The following PCDHA7 variants were observed in gnomAD, a reference collection of about 807,000 sequenced individuals.
The protein encoded by PCDHA7 is protocadherin alpha 7, also known as protocadherin alpha-7.
A neutral mutation model predicts 57.2 loss-of-function variants in PCDHA7; 37 were observed. That is an observed-to-expected ratio of 0.65 (90% CI 0.50 to 0.85). PCDHA7 has a LOEUF of 0.85. PCDHA7 is among the 40% of genes least tolerant of loss of function. PCDHA7 has a pLI of 0.00. For missense variants in PCDHA7, 1,188 were observed against 1,241.8 expected (o/e 0.96, Z 0.65); for synonymous variants, 553 against 558.8 (o/e 0.99, Z 0.15).
intron 1 of PCDHA7, chr5:140,876,869 A>G: frequency 1.9e-6 from 3 of 1,614,030 alleles, no homozygotes; most frequent in Non-Finnish European, 2.5e-6. Flanking sequence ...TTCGTGAAGG[A>G]GAACAACCCG....
Position 140,834,349 on chromosome 5 carries a change from T to A in PCDHA7, c.-35T>A. On this transcript the variant is annotated 5_prime_UTR_variant, in exon 1 of 4. Coordinates refer to ENST00000525929, the MANE Select transcript of PCDHA7 (RefSeq NM_018910.3). ...ACATTCCTATAAATTCGAAGGCAAG[T>A]TTTGCTGACTAGAAAAACAAGCCAA... is the stretch of plus-strand genomic sequence containing the variant. 2 of 1,534,320 alleles carry A rather than the reference T, an allele frequency of 1.3e-6. No individual in the cohort carries two copies. Among genetic ancestry groups the A allele is most frequent in the Non-Finnish European group, 1.8e-6 (2 of 1,139,316 alleles).
intron 1 of PCDHA7, chr5:140,848,571 G>A: frequency 6.3e-7 from 1 of 1,595,628 alleles, no homozygotes; most frequent in South Asian, 1.1e-5. Context: ...AATGTGGGTG[G>A]TGGGGAGCGG....
At chr5:140,941,558 A>G (rs903071259) in intron 1 of PCDHA7, among the ~76,000 whole-genome samples, 1 of 151,596 alleles carries the variant, frequency 6.6e-6, no homozygotes, top group African/African-American at 2.4e-5. Context: ...CTCGTGATCC[A>G]TTCGCCTCAG....
Position 140,849,759 on chromosome 5 carries a change from G to A in PCDHA7, c.2355+13021G>A, listed in dbSNP as rs140660802. On this transcript the variant is annotated intron_variant, in intron 1 of 3. Coordinates refer to ENST00000525929, the MANE Select transcript of PCDHA7 (RefSeq NM_018910.3). Reference sequence around the variant, plus strand: ...GGACCGCGAGAGTGTGTCCGCCTACGAGCTGGTGGTTACCGCGCGGGACGG... The same window carrying A: ...GGACCGCGAGAGTGTGTCCGCCTACAAGCTGGTGGTTACCGCGCGGGACGG... The A allele has an allele frequency of 1.8e-5, 29 of 1,598,444 alleles. 5 individuals are homozygous for A. The Admixed American group carries it at 3.9e-4, about 21-fold the overall frequency.
At chr5:140,857,758 C>T (rs1562528719) in intron 1 of PCDHA7, 2 of 1,597,374 alleles carry the variant, frequency 1.3e-6, no homozygotes, top group Admixed American at 1.7e-5. Flanking sequence ...CTCCCGCTGG[C>T]AGCGCGGGCG....
At chr5:140,843,182 C>G (rs2150354761) in intron 1 of PCDHA7, 2 of 1,595,932 alleles carry the variant, frequency 1.3e-6, no homozygotes, top group African/African-American at 2.7e-5. Flanking sequence ...CCCTCGCATC[C>G]CGTTCCGCGT....
At chr5:140,905,910 A>G (rs2153491860) in intron 1 of PCDHA7, among the ~76,000 whole-genome samples, 1 of 152,334 alleles carries the variant, frequency 6.6e-6, no homozygotes, top group Admixed American at 6.5e-5. Context: ...GGAGCAAGGA[A>G]TCCAATCTGA....
chr5:140,941,578 G>A (rs1007298745), intron 1 of PCDHA7, among the ~76,000 whole-genome samples: 3 of 151,774 alleles, frequency 2.0e-5, no homozygotes, highest in Non-Finnish European at 4.4e-5. Context: ...GCCTCCCAAA[G>A]TGCTGGGATT....
In PCDHA7 at chr5:141,011,716, A is replaced by G. The variant is rs975588316; in HGVS notation, c.*1779A>G. 6.5e-6 allele frequency: 1 copy of G among 153,764 alleles called. No homozygotes were observed. Among genetic ancestry groups the G allele is most frequent in the African/African-American group, 2.4e-5 (1 of 41,450 alleles). 9.5% of individuals were successfully genotyped at this position (153,764 alleles called of 1,614,324 possible). On this transcript the variant is annotated 3_prime_UTR_variant, in exon 4 of 4. Transcript: ENST00000525929. Reference sequence around the variant, plus strand: ...TTGGAATGAATACTGACAATATTCCATGAGGGTGTGCAAGCACAAATTTTA... The same window carrying G: ...TTGGAATGAATACTGACAATATTCCGTGAGGGTGTGCAAGCACAAATTTTA...
chr5:140,999,265 A>G (rs1554256725), intron 3 of PCDHA7, among the ~76,000 whole-genome samples: 1 of 152,226 alleles, frequency 6.6e-6, no homozygotes, highest in African/African-American at 2.4e-5. Flanking sequence ...GTAAAGGAAT[A>G]CTGCATAGTA....
intron 1 of PCDHA7, chr5:140,869,322 C>T (rs1169893950): frequency 1.9e-6 from 3 of 1,613,818 alleles, no homozygotes; most frequent in East Asian, 4.5e-5. Flanking sequence ...CACATGGGGA[C>T]CTTCTGGAGG....
chr5:140,923,078 G>A (rs1392146044), intron 1 of PCDHA7, among the ~76,000 whole-genome samples: 1 of 152,200 alleles, frequency 6.6e-6, no homozygotes, highest in African/African-American at 2.4e-5. Context: ...CCTCATGTCA[G>A]CACTTATTTG....
intron 2 of PCDHA7, chr5:140,982,224 A>C: frequency 1.7e-6 from 1 of 587,320 alleles, no homozygotes; most frequent in South Asian, 3.8e-5. Flanking sequence ...TGGCGTTAAT[A>C]AAAAACAGAA....
intron 1 of PCDHA7, chr5:140,870,851 C>T: frequency 6.2e-7 from 1 of 1,613,838 alleles, no homozygotes; most frequent in Non-Finnish European, 8.5e-7. Context: ...GTACCGCGGT[C>T]GGTGGGTGCG....
chr5:140,841,820 GT>G (rs2150323567), intron 1 of PCDHA7: 1 of 1,613,910 alleles, frequency 6.2e-7, no homozygotes, highest in Non-Finnish European at 8.5e-7. Context: ...AGCTAACTCC[GT>G]GTTAACCTAC....
intron 1 of PCDHA7, chr5:140,877,520 C>T (rs2057180531): frequency 6.2e-7 from 1 of 1,613,784 alleles, no homozygotes; most frequent in Non-Finnish European, 8.5e-7. Context: ...TCGCGGGCCT[C>T]AGTGGGCGCT....
intron 1 of PCDHA7, among the ~76,000 whole-genome samples, chr5:140,846,369 CTTTCTTTTTTTT>C (rs1156484325): frequency 9.8e-6 from 1 of 102,192 alleles, no homozygotes; most frequent in Non-Finnish European, 2.0e-5. Flanking sequence ...TCTTTTCTTT[CTTTCTTTTTTTT>C]TTTTTTTTTT....
In PCDHA7 at chr5:141,010,293, GC is replaced by G; in HGVS notation, c.*357del. The G allele has an allele frequency of 6.5e-7, 1 of 1,549,794 alleles. No individual in the cohort carries two copies. The highest frequency in any genetic ancestry group is 8.7e-7 in the Non-Finnish European group (1 of 1,146,454). On this transcript the variant is annotated 3_prime_UTR_variant, in exon 4 of 4. Transcript: ENST00000525929. ...ATCCTGTCTTGATGACACTTGCAGG[GC>G]AGGCTGAAAAGTTTTGAGATTGAGC...
chr5:140,879,806 T>C (rs2058125905), intron 1 of PCDHA7, among the ~76,000 whole-genome samples: 1 of 152,250 alleles, frequency 6.6e-6, no homozygotes, highest in Non-Finnish European at 1.5e-5. Context: ...CCAGTTTCTA[T>C]TGGCTGTTGG....
Sources: allele counts gnomAD v4.1 joint callset (sites outside exome capture counted in the v4.1 genomes callset), GRCh38; gene constraint gnomAD v4.1.1; transcripts MANE v1.5; gene names NCBI Gene and HGNC (gene_info 2026-07-23, HGNC 2026-07-21).